RPS15A: variants seen among roughly 807,000 people sequenced by gnomAD.
RPS15A encodes small ribosomal subunit protein uS8.
For synonymous variants in RPS15A, 55 were observed against 58.5 expected (o/e 0.94, Z 0.27); for missense variants, 62 against 163.4 (o/e 0.38, Z 3.38).
intron 4 of RPS15A, chr16:18,783,898 G>A (rs974836907): frequency 2.9e-6 from 1 of 348,230 alleles, no homozygotes; most frequent in Non-Finnish European, 5.6e-6. Context: ...AGGCTTTTAA[G>A]GACAAAGACT....
In RPS15A at chr16:18,788,141, A is replaced by C; in HGVS notation, c.135T>G (p.Gly45=). ...VRFLTVMMKH[G]YIGEFEIIDD... is the part of the protein sequence containing the mutation. ...CAATGATTTCAAATTCGCCAATGTA[A>C]CCTACAAAAGATAACTGACTGGATT... The change falls in exon 3 of 5, where the codon GGT becomes GGG. Residue 45 remains glycine (G), a splice_region_variant and synonymous_variant. Coordinates refer to ENST00000322989, the MANE Select transcript of RPS15A (RefSeq NM_001019.5). The C allele has an allele frequency of 6.2e-7, 1 of 1,601,140 alleles. No homozygotes were observed. Among genetic ancestry groups the C allele is most frequent in the South Asian group, 1.1e-5 (1 of 90,842 alleles).
chr16:18,789,575 T>C (rs747166277), intron 1 of RPS15A, among the ~76,000 whole-genome samples: 14 of 152,186 alleles, frequency 9.2e-5, no homozygotes, highest in Non-Finnish European at 1.5e-4. Context: ...ACTATTAACA[T>C]TGTACTTTAA....
At chr16:18,784,934 A>ATCTGAATGCTGGGTT in intron 3 of RPS15A, 111 bp from the exon 4 acceptor site, 1 of 804,592 alleles carries the variant, frequency 1.2e-6, no homozygotes, top group Non-Finnish European at 2.0e-6. Context: ...CAACCAACCC[A>ATCTGAATGCTGGGTT]GCATTCAGAT....
intron 4 of RPS15A, chr16:18,783,741 G>A (rs748178146): frequency 4.4e-6 from 2 of 455,382 alleles, no homozygotes; most frequent in South Asian, 3.1e-5. Context: ...CACATTTACT[G>A]TGTCAGCTCA....
rs1419607738 is a variant in RPS15A, at chr16:18,789,243, A to G, written c.-5-125T>C. ...CCTTGGCGAAGTTTTCTCAAGTCTA[A>G]GCAGGCTGCTTCTCCATTTCCCACC... On this transcript the variant is annotated intron_variant, in intron 1 of 4. Coordinates refer to ENST00000322989, the MANE Select transcript of RPS15A (RefSeq NM_001019.5). 4.4e-6 allele frequency: 4 copies of G among 901,526 alleles called. No homozygotes were observed. In the East Asian group the frequency reaches 1.0e-4, roughly 23 times the overall value. The allele number at this position is 901,526 out of a possible 1,614,324, so 55.8% of individuals were successfully genotyped here.
rs1903975683 is a variant in RPS15A, at chr16:18,782,235, G to A, written c.*774C>T. 3 of 116,658 alleles carry A rather than the reference G, an allele frequency of 2.6e-5. No individual in the cohort carries two copies. Among genetic ancestry groups the A allele is most frequent in the East Asian group, 2.2e-4 (1 of 4,478 alleles). 7.2% of individuals were successfully genotyped at this position (116,658 alleles called of 1,614,324 possible). A position where few individuals can be genotyped will look rare whatever the true frequency, so the allele number is the denominator to read the frequency against. Reference sequence around the variant, plus strand: ...CTACTTGAATCTGGGAAGCGGAGGTGCAGTGAGCCAAGATCATGCCACTGC... The same window carrying A: ...CTACTTGAATCTGGGAAGCGGAGGTACAGTGAGCCAAGATCATGCCACTGC... On this transcript the variant is annotated 3_prime_UTR_variant, in exon 5 of 5. Coordinates refer to ENST00000322989, the MANE Select transcript of RPS15A (RefSeq NM_001019.5).
intron 1 of RPS15A, among the ~76,000 whole-genome samples, chr16:18,789,428 A>C (rs1419022980): frequency 2.6e-5 from 4 of 152,258 alleles, no homozygotes; most frequent in African/African-American, 7.2e-5. Flanking sequence ...TCCACTTGAC[A>C]CAAGACAACG....
Position 18,788,052 on chromosome 16 carries a change from C to G in RPS15A, c.213+11G>C, listed in dbSNP as rs560694459. ...TTAAAGCTTTGAAATGTGTAGATCA[C>G]TCGTTCTTACCTTGTTTAGCCTGCC... On this transcript the variant is annotated intron_variant, in intron 3 of 4. Transcript: ENST00000322989. 5 of 1,557,438 alleles carry G rather than the reference C, an allele frequency of 3.2e-6. No homozygotes were observed. In the South Asian group the frequency reaches 3.3e-5, roughly 10 times the overall value.
chr16:18,783,695 T>C (rs1305730676), intron 4 of RPS15A: 1 of 456,092 alleles, frequency 2.2e-6, no homozygotes, highest in Non-Finnish European at 4.4e-6. Flanking sequence ...ACCAGACGCA[T>C]AATTTGGAGG....
chr16:18,788,119 T>C lies in RPS15A; in HGVS notation c.157A>G (p.Ile53Val). Residue 53 changes from isoleucine (I) to valine (V), a missense_variant, in exon 3 of 5, where the codon ATT becomes GTT. Coordinates refer to ENST00000322989, the MANE Select transcript of RPS15A (RefSeq NM_001019.5). ...ATTTTCCCAGCTCTGTGGTCATCAA[T>C]GATTTCAAATTCGCCAATGTAACCT... The part of the protein sequence containing the change: ...KHGYIGEFEI[I>V]DDHRAGKIVV... 6.2e-7 allele frequency: 1 copy of C among 1,612,158 alleles called. No homozygotes were observed. The highest frequency in any genetic ancestry group is 8.5e-7 in the Non-Finnish European group (1 of 1,178,516).
chr16:18,789,736 A>AC (rs2029985436), intron 1 of RPS15A, among the ~76,000 whole-genome samples: 1 of 152,234 alleles, frequency 6.6e-6, no homozygotes, highest in Admixed American at 6.5e-5. Flanking sequence ...ATGGGCAAGA[A>AC]CCGCACACTA....
rs1215870812 is a variant in RPS15A, at chr16:18,781,296, C to T, written c.*1713G>A. The T allele has an allele frequency of 1.4e-5, 2 of 146,404 alleles. No homozygotes were observed. The highest frequency in any genetic ancestry group is 2.5e-5 in the African/African-American group (1 of 40,534). 9.1% of individuals were successfully genotyped at this position (146,404 alleles called of 1,614,324 possible). On this transcript the variant is annotated 3_prime_UTR_variant, in exon 5 of 5. Transcript: ENST00000322989. ...ACAAAATGGTGACAACAAATGGAGC[C>T]ATTTTCATATCCTATTTTATTTTTG...
intron 2 of RPS15A, chr16:18,788,691 G>A (rs761359197): frequency 1.8e-4 from 55 of 305,100 alleles, no homozygotes; most frequent in Non-Finnish European, 3.2e-4. Context: ...TAGTAGAGAC[G>A]GGGTTTTGCC....
In RPS15A at chr16:18,782,874, C is replaced by T. The variant is rs1425235279; in HGVS notation, c.*135G>A. ...GGCTGTATTAGTCACTTCAGGGAATCGCATTCACCGATAAACGAAGCAACT... is the reference window on the plus strand; with the variant it reads ...GGCTGTATTAGTCACTTCAGGGAATTGCATTCACCGATAAACGAAGCAACT... On this transcript the variant is annotated 3_prime_UTR_variant, in exon 5 of 5. Transcript: ENST00000322989. 3.3e-5 allele frequency: 20 copies of T among 602,466 alleles called. No homozygotes were observed. The highest frequency in any genetic ancestry group is 5.0e-5 in the Non-Finnish European group (17 of 341,024). 37.3% of individuals were successfully genotyped at this position (602,466 alleles called of 1,614,324 possible).
At chr16:18,789,274 G>A in intron 1 of RPS15A, 156 bp from the exon 2 acceptor site, 2 of 656,104 alleles carry the variant, frequency 3.0e-6, no homozygotes. Flanking sequence ...CCACCACCCA[G>A]GAAAATTCCT....
At chr16:18,783,722 A>G (rs573274047) in intron 4 of RPS15A, 27 of 455,926 alleles carry the variant, frequency 5.9e-5, no homozygotes, top group Non-Finnish European at 1.1e-4. Flanking sequence ...ATTCTTAACC[A>G]CAAAGATACA....
intron 2 of RPS15A, 44 bp from the exon 3 acceptor site, chr16:18,788,186 G>T: frequency 1.6e-6 from 2 of 1,243,840 alleles, no homozygotes; most frequent in South Asian, 1.2e-5. Context: ...ACATCAACTT[G>T]AGAGCTAAAC....
At chr16:18,783,911 C>T in intron 4 of RPS15A, 1 of 345,668 alleles carries the variant, frequency 2.9e-6, no homozygotes, top group Non-Finnish European at 5.7e-6. Context: ...CAAAGACTCC[C>T]AAACTAAGTT....
In RPS15A at chr16:18,782,853, G is replaced by A. The variant is rs1192974710; in HGVS notation, c.*156C>T. On this transcript the variant is annotated 3_prime_UTR_variant, in exon 5 of 5. Coordinates refer to ENST00000322989, the MANE Select transcript of RPS15A (RefSeq NM_001019.5). Reference sequence around the variant, plus strand: ...TTCATAAGAACTTTTTCCCTTGGCTGTATTAGTCACTTCAGGGAATCGCAT... The same window carrying A: ...TTCATAAGAACTTTTTCCCTTGGCTATATTAGTCACTTCAGGGAATCGCAT... 10 of 568,500 alleles carry A rather than the reference G, an allele frequency of 1.8e-5. No homozygotes were observed. Among genetic ancestry groups the A allele is most frequent in the Non-Finnish European group, 2.8e-5 (9 of 321,886 alleles). 35.2% of individuals were successfully genotyped at this position (568,500 alleles called of 1,614,324 possible). A position where few individuals can be genotyped will look rare whatever the true frequency, so the allele number is the denominator to read the frequency against.
Sources: gnomAD v4.1 joint callset for allele counts (sites outside exome capture counted in the v4.1 genomes callset) on GRCh38, gnomAD v4.1.1 for gene constraint, MANE v1.5 for transcripts, NCBI Gene and HGNC (gene_info 2026-07-23, HGNC 2026-07-21) for gene names.